RAET1L: variants seen among roughly 807,000 people sequenced by gnomAD.
RAET1L encodes the protein retinoic acid early transcript 1L.
RAET1L carries 16 observed loss-of-function variants against 23.9 expected under a neutral mutation model. The ratio of observed to expected loss-of-function variants is 0.67; its 90% confidence interval spans 0.45 to 1.02. RAET1L has a LOEUF of 1.02. Ranked by LOEUF, RAET1L falls within the 50% of genes least tolerant of loss-of-function variation. The pLI, the probability that RAET1L is intolerant of heterozygous loss-of-function variation, is 0.00. For missense variants in RAET1L, 233 were observed against 304.0 expected (o/e 0.77, Z 1.74); for synonymous variants, 70 against 111.2 (o/e 0.63, Z 2.33).
At chr6:150,025,171 G>T (rs1360523674) in intron 1 of RAET1L, among the ~76,000 whole-genome samples, 1 of 152,100 alleles carries the variant, frequency 6.6e-6, no homozygotes, top group African/African-American at 2.4e-5. Context: ...TGCCAGCCTC[G>T]TTTTCACCCT....
intron 1 of RAET1L, among the ~76,000 whole-genome samples, chr6:150,024,077 C>G (rs1779917397): frequency 6.6e-6 from 1 of 152,144 alleles, no homozygotes; most frequent in South Asian, 2.1e-4. Context: ...CCCAGGACAC[C>G]ACGTGGCTGC....
intron 2 of RAET1L, among the ~76,000 whole-genome samples, 180 bp from the exon 3 acceptor site, chr6:150,021,366 G>A (rs571136805): frequency 7.2e-5 from 10 of 139,756 alleles, no homozygotes; most frequent in South Asian, 4.7e-4. Flanking sequence ...AAAGGGTCTC[G>A]CTCTGTCACC....
chr6:150,022,887 G>A (rs1174621497), intron 1 of RAET1L, among the ~76,000 whole-genome samples: 2 of 86,220 alleles, frequency 2.3e-5, no homozygotes, highest in African/African-American at 8.4e-5. Flanking sequence ...CCATGCCAGA[G>A]GGGTCTAAGT....
chr6:150,023,409 C>G (rs1779909978), intron 1 of RAET1L, among the ~76,000 whole-genome samples: 1 of 151,730 alleles, frequency 6.6e-6, no homozygotes. Flanking sequence ...GAACCCATGA[C>G]TATAAGAAGA....
intron 1 of RAET1L, 101 bp downstream of exon 1, chr6:150,025,286 C>CCTTCCAGAAG: frequency 1.0e-6 from 1 of 985,350 alleles, no homozygotes; most frequent in South Asian, 1.6e-5. Context: ...GGGGAGATCT[C>CCTTCCAGAAG]CCTTGTCCTT....
chr6:150,021,688 C>G (rs1331465695), intron 2 of RAET1L, among the ~76,000 whole-genome samples: 2 of 144,606 alleles, frequency 1.4e-5, no homozygotes, highest in Non-Finnish European at 3.0e-5. Context: ...GTCTGCCTGC[C>G]GGGTTCAAGG....
chr6:150,025,388 G>T lies in RAET1L; in HGVS notation c.84C>A (p.Asp28Glu). 6.2e-7 allele frequency: 1 copy of T among 1,613,188 alleles called. No homozygotes were observed. ...CTTAGGCTCCATCCACCAGCTCACCGTCTCGCCTAGCCCGGGACCAGCCGA... is the reference window on the plus strand; with the variant it reads ...CTTAGGCTCCATCCACCAGCTCACCTTCTCGCCTAGCCCGGGACCAGCCGA... ...LLFGWSRARR[D>E]DPHSLCYDIT... Residue 28 changes from aspartate (D) to glutamate (E), a missense_variant and splice_region_variant, in exon 1 of 5, where the codon GAC becomes GAA. By Grantham distance (45) the Asp-to-Glu change is conservative. This residue lies in a region of RAET1L where 42 missense variants were observed against 35.0 expected (regional missense o/e 1.20). Transcript: ENST00000367341.
Position 150,025,372 on chromosome 6 carries a change from C to T in RAET1L, c.85+15G>A. The T allele has an allele frequency of 3.1e-6, 5 of 1,611,120 alleles. No homozygotes were observed. The highest frequency in any genetic ancestry group is 4.2e-6 in the Non-Finnish European group (5 of 1,177,648). ...TTTGGCCCCCGCCCCGCTTAGGCTC[C>T]ATCCACCAGCTCACCGTCTCGCCTA... On this transcript the variant is annotated intron_variant, in intron 1 of 4. Coordinates refer to ENST00000367341, the MANE Select transcript of RAET1L (RefSeq NM_130900.3).
intron 1 of RAET1L, among the ~76,000 whole-genome samples, chr6:150,024,518 G>C (rs9479429): frequency 0.37 from 55,185 of 150,784 alleles, 10,924 homozygotes; most frequent in Non-Finnish European, 0.45. Context: ...TGTCTACACA[G>C]TGACTATTCT....
In RAET1L at chr6:150,019,120, C is replaced by G. The variant is rs181620867; in HGVS notation, c.*23-265G>C. On this transcript the variant is annotated intron_variant, in intron 4 of 4. Coordinates refer to ENST00000367341, the MANE Select transcript of RAET1L (RefSeq NM_130900.3). ...TGAAGCTGGTAGTGATGGGTCCGCT[C>G]CCTCACTCAAGGCCCTCTTTATCAT... Among the ~76,000 whole-genome samples, 532 of 152,270 alleles carry G rather than the reference C, an allele frequency of 3.5e-3. 2 individuals are homozygous for G. The highest frequency in any genetic ancestry group is 3.2e-3 in the Non-Finnish European group (220 of 68,024).
At chr6:150,023,932 T>C (rs1779915798) in intron 1 of RAET1L, among the ~76,000 whole-genome samples, 1 of 152,142 alleles carries the variant, frequency 6.6e-6, no homozygotes, top group Admixed American at 6.5e-5. Context: ...AGCTGCCCAT[T>C]ACTGGTGGGC....
At chr6:150,023,933 A>G (rs1779915820) in intron 1 of RAET1L, among the ~76,000 whole-genome samples, 1 of 152,180 alleles carries the variant, frequency 6.6e-6, no homozygotes, top group Admixed American at 6.5e-5. Flanking sequence ...GCTGCCCATT[A>G]CTGGTGGGCT....
Position 150,022,102 on chromosome 6 carries a change from G to A in RAET1L, c.227C>T (p.Pro76Leu). 1.2e-6 allele frequency: 2 copies of A among 1,600,448 alleles called. No homozygotes were observed. Among genetic ancestry groups the A allele is most frequent in the Non-Finnish European group, 1.7e-6 (2 of 1,175,098 alleles). The change falls in exon 2 of 5, where the codon CCC (proline) becomes CTC (leucine). Residue 76 changes from proline to leucine, a missense_variant. Physicochemically the swap from Pro to Leu is moderately conservative, Grantham distance 98. Transcript: ENST00000367341. ...CGNKTVTPVS[P>L]LGKKLNVTMA... ...TGTGACATTTAGTTTCTTCCCCAGG[G>A]GACTGACGGGTGTGACTGTCTTGTT...
At chr6:150,020,501 G>A (rs1184182238) in intron 3 of RAET1L, among the ~76,000 whole-genome samples, 1 of 152,154 alleles carries the variant, frequency 6.6e-6, no homozygotes, top group Non-Finnish European at 1.5e-5. Flanking sequence ...AGGAGGTGAT[G>A]CCCCAGAGTT....
intron 3 of RAET1L, 23 bp downstream of exon 3, chr6:150,020,882 C>T (rs1270461014): frequency 2.5e-6 from 4 of 1,611,288 alleles, no homozygotes; most frequent in Non-Finnish European, 3.4e-6. Context: ...ATTTAAGATC[C>T]CCGTTTCTTT....
At chr6:150,019,273 A>C (rs1002106417) in intron 4 of RAET1L, among the ~76,000 whole-genome samples, 2 of 152,120 alleles carry the variant, frequency 1.3e-5, no homozygotes, top group African/African-American at 4.8e-5. Context: ...CTTCTTGAGC[A>C]TCACCTCACA....
intron 3 of RAET1L, 53 bp downstream of exon 3, chr6:150,020,852 A>C: frequency 6.3e-7 from 1 of 1,598,596 alleles, no homozygotes; most frequent in Non-Finnish European, 8.5e-7. Context: ...TAACTTCTTG[A>C]GATCCCCATT....
rs555495012 is a variant in RAET1L, at chr6:150,021,991, T to C, written c.338A>G (p.Tyr113Cys). 49 of 1,597,020 alleles carry C rather than the reference T, an allele frequency of 3.1e-5. 1 individual carries two copies. Among genetic ancestry groups the C allele is most frequent in the Non-Finnish European group, 4.0e-5 (47 of 1,169,872 alleles). ...CATCTGAAACTTACCCTTGGGTGTGTAATTCTCCAGCTGAATGTCAAGCAG... is the reference window on the plus strand; with the variant it reads ...CATCTGAAACTTACCCTTGGGTGTGCAATTCTCCAGCTGAATGTCAAGCAG... ...EQLLDIQLEN[Y>C]TPKEPLTLQA... Residue 113 changes from tyrosine to cysteine, a missense_variant, in exon 2 of 5, where the codon TAC becomes TGC. Physicochemically the swap from Tyr to Cys is radical, Grantham distance 194. Around this residue, in one of 4 missense-constraint regions of RAET1L, gnomAD observed 44 missense variants for 107.4 expected, o/e 0.41. Coordinates refer to ENST00000367341, the MANE Select transcript of RAET1L (RefSeq NM_130900.3).
At chr6:150,023,766 A>G (rs1441949706) in intron 1 of RAET1L, among the ~76,000 whole-genome samples, 2 of 152,180 alleles carry the variant, frequency 1.3e-5, no homozygotes, top group African/African-American at 4.8e-5. Context: ...AGGCAATGCC[A>G]CTCACAGCAA....
Sources: gnomAD v4.1 joint callset for allele counts (sites outside exome capture counted in the v4.1 genomes callset) on GRCh38, gnomAD v4.1.1 for gene constraint, gnomAD v4.1.1 regional missense constraint, MANE v1.5 for transcripts, NCBI Gene and HGNC (gene_info 2026-07-23, HGNC 2026-07-21) for gene names.